Variants in RBFOX1 observed in about 807,000 individuals in gnomAD.
RBFOX1 encodes the protein RNA binding fox-1 homolog 1, also known as RNA binding protein fox-1 homolog 1.
Under a neutral mutation model 57.7 loss-of-function variants are expected in RBFOX1, and 8 were observed. The ratio of observed to expected loss-of-function variants is 0.14; its 90% CI spans 0.08 to 0.25. RBFOX1 has a LOEUF of 0.25. RBFOX1 is among the 10% of genes least tolerant of loss of function. RBFOX1 has a pLI of 1.00. For synonymous variants in RBFOX1, 326 were observed against 222.4 expected, an observed-to-expected ratio of 1.47 and a Z score of -4.15; for missense variants, 611 against 548.5, an observed-to-expected ratio of 1.11 and a Z score of -1.14.
rs78394997 is a variant in RBFOX1, at chr16:6,949,288, G to T, written c.-15-102769G>T. Among the ~76,000 whole-genome samples, 1,373 of 152,242 alleles carry T rather than the reference G, an allele frequency of 9.0e-3. 34 individuals are homozygous for T. The highest frequency in any genetic ancestry group is 0.031 in the African/African-American group (1,300 of 41,544). On this transcript the variant is annotated intron_variant, in intron 3 of 15. Coordinates refer to ENST00000550418, the MANE Select transcript of RBFOX1 (RefSeq NM_018723.4). ...CAATTTCACAAAACAAACCCATAAAGGGAGAAGAAAGACATGTACCAGTTA... is the reference window on the plus strand; with the variant it reads ...CAATTTCACAAAACAAACCCATAAATGGAGAAGAAAGACATGTACCAGTTA...
intron 3 of RBFOX1, among the ~76,000 whole-genome samples, chr16:6,725,899 C>A (rs968257323): frequency 2.6e-5 from 4 of 152,084 alleles, no homozygotes; most frequent in African/African-American, 9.7e-5. Flanking sequence ...CTTGGTAATT[C>A]AGTTTGATAT....
At chr16:6,759,607 C>A (rs1006733810) in intron 3 of RBFOX1, among the ~76,000 whole-genome samples, 6 of 151,162 alleles carry the variant, frequency 4.0e-5, no homozygotes, top group Non-Finnish European at 5.9e-5. Context: ...TGTGGCAGAG[C>A]CTTTTGTTCT....
intron 2 of RBFOX1, among the ~76,000 whole-genome samples, chr16:6,470,826 CT>C (rs149616855): frequency 0.016 from 2,503 of 152,218 alleles, 33 homozygotes; most frequent in Non-Finnish European, 0.027. Flanking sequence ...TACATGTCTT[CT>C]AGTGTTTCTT....
chr16:6,624,456 A>G (rs1197382023), intron 2 of RBFOX1, among the ~76,000 whole-genome samples: 1 of 152,154 alleles, frequency 6.6e-6, no homozygotes, highest in Non-Finnish European at 1.5e-5. Flanking sequence ...TGAATCAACC[A>G]CAGCCCTTCT....
At chr16:5,883,489 C>T (rs573979444) in intron 4 of RBFOX1, among the ~76,000 whole-genome samples, 69 of 150,032 alleles carry the variant, frequency 4.6e-4, no homozygotes, top group South Asian at 1.5e-3. Flanking sequence ...TAAACTGTCT[C>T]GGAGGAACCT....
chr16:5,805,789 A>G (rs1257219721), intron 3 of RBFOX1, among the ~76,000 whole-genome samples: 1 of 152,202 alleles, frequency 6.6e-6, no homozygotes, highest in African/African-American at 2.4e-5. Flanking sequence ...CAAGAGGATG[A>G]AGACTCCCAT....
At chr16:5,476,622 T>A (rs920106501) in intron 2 of RBFOX1, among the ~76,000 whole-genome samples, 8 of 152,284 alleles carry the variant, frequency 5.3e-5, no homozygotes, top group African/African-American at 1.7e-4. Context: ...ATAAATTAAG[T>A]GTTTTGAGTA....
At chr16:7,098,826 C>G (rs966027620) in intron 4 of RBFOX1, among the ~76,000 whole-genome samples, 2 of 152,168 alleles carry the variant, frequency 1.3e-5, no homozygotes, top group South Asian at 4.2e-4. Flanking sequence ...AAATCGTGGT[C>G]TTTCTAGTGA....
Position 7,427,787 on chromosome 16 carries a change from G to A in RBFOX1, c.28-90360G>A, listed in dbSNP as rs1345307374. 3.3e-5 allele frequency among the ~76,000 whole-genome samples: 5 copies of A among 152,022 alleles called. No individual in the cohort carries two copies. The East Asian group carries it at 9.6e-4, about 29-fold the overall frequency. The stretch of plus-strand genomic sequence containing the variant: ...TTGTGCCTCAGCCTCCCGAGTAGCT[G>A]GGATTACAGGCATGTGCTACCACGC... On this transcript the variant is annotated intron_variant, in intron 4 of 15. Coordinates refer to ENST00000550418, the MANE Select transcript of RBFOX1 (RefSeq NM_018723.4).
chr16:5,897,097 G>A (rs1323006525), intron 4 of RBFOX1, among the ~76,000 whole-genome samples: 1 of 139,264 alleles, frequency 7.2e-6, no homozygotes, highest in African/African-American at 2.7e-5. Context: ...CTGCAGTGGC[G>A]CAATCTCGGC....
chr16:5,334,958 T>C (rs899488024), intron 1 of RBFOX1, among the ~76,000 whole-genome samples: 2 of 152,144 alleles, frequency 1.3e-5, no homozygotes, highest in Non-Finnish European at 2.9e-5. Flanking sequence ...TTAAATCTTC[T>C]TGTAGTATAG....
At chr16:6,444,616 C>G (rs2094449037) in intron 2 of RBFOX1, among the ~76,000 whole-genome samples, 1 of 152,150 alleles carries the variant, frequency 6.6e-6, no homozygotes, top group Non-Finnish European at 1.5e-5. Context: ...CCATGTGGAA[C>G]TGTAAGTCCA....
intron 8 of RBFOX1, 190 bp from the exon 9 acceptor site, chr16:7,597,181 C>A: frequency 2.1e-6 from 1 of 465,310 alleles, no homozygotes; most frequent in East Asian, 3.6e-5. Flanking sequence ...GTAAGTTAAA[C>A]GGTTATGAAG....
At chr16:7,206,695 T>C (rs2090049176) in intron 4 of RBFOX1, among the ~76,000 whole-genome samples, 1 of 151,696 alleles carries the variant, frequency 6.6e-6, no homozygotes, top group Non-Finnish European at 1.5e-5. Flanking sequence ...AAGCACAGAG[T>C]GAGGATTTAC....
At chr16:6,450,084 C>T (rs1389394967) in intron 2 of RBFOX1, among the ~76,000 whole-genome samples, 1 of 152,108 alleles carries the variant, frequency 6.6e-6, no homozygotes, top group Admixed American at 6.5e-5. Flanking sequence ...CCTTTTGTGC[C>T]TCTTTGAGGA....
At chr16:5,887,380 T>A (rs1226850559) in intron 4 of RBFOX1, among the ~76,000 whole-genome samples, 1 of 152,066 alleles carries the variant, frequency 6.6e-6, no homozygotes, top group East Asian at 1.9e-4. Flanking sequence ...CCTTCTACCT[T>A]GTATTTCTCT....
chr16:6,759,598 G>A (rs1459322591), intron 3 of RBFOX1, among the ~76,000 whole-genome samples: 1 of 151,888 alleles, frequency 6.6e-6, no homozygotes, highest in African/African-American at 2.4e-5. Context: ...CAGTATTTCT[G>A]TGGCAGAGCC....
intron 2 of RBFOX1, among the ~76,000 whole-genome samples, chr16:5,576,654 G>C (rs1567249208): frequency 6.6e-6 from 1 of 152,204 alleles, no homozygotes; most frequent in Non-Finnish European, 1.5e-5. Context: ...AGGTATGGCA[G>C]GAATGCCATC....
At chr16:6,077,610 A>G (rs1212864137) in intron 1 of RBFOX1, among the ~76,000 whole-genome samples, 1 of 152,030 alleles carries the variant, frequency 6.6e-6, no homozygotes, top group Non-Finnish European at 1.5e-5. Context: ...TTGCAACTAC[A>G]TGGTCTTCGG....
Sources: gnomAD v4.1 joint callset for allele counts (sites outside exome capture counted in the v4.1 genomes callset) on GRCh38, gnomAD v4.1.1 for gene constraint, MANE v1.5 for transcripts, NCBI Gene and HGNC (gene_info 2026-07-23, HGNC 2026-07-21) for gene names.